Variants in VWCE observed in about 807,000 individuals in gnomAD.
VWCE encodes the protein von Willebrand factor C and EGF domain-containing protein.
In VWCE, 68 loss-of-function variants were observed where a neutral mutation model predicts 102.9. That is an observed-to-expected ratio of 0.66 (90% CI 0.54 to 0.81). The LOEUF is 0.81. Ranked by LOEUF, VWCE falls within the 30% of genes least tolerant of loss-of-function variation. The pLI is 0.00. For missense variants in VWCE, 1,137 were observed against 1,263.6 expected, an observed-to-expected ratio of 0.90 and a Z score of 1.52; for synonymous variants, 497 against 515.4, an observed-to-expected ratio of 0.96 and a Z score of 0.48.
chr11:61,284,006 A>C (rs1402249814), intron 5 of VWCE, among the ~76,000 whole-genome samples: 1 of 152,220 alleles, frequency 6.6e-6, no homozygotes, highest in Non-Finnish European at 1.5e-5. Context: ...CCTGATGTGG[A>C]AACATCTTCA....
intron 19 of VWCE, among the ~76,000 whole-genome samples, chr11:61,264,225 CAAAAAAAAA>C (rs547085588): frequency 5.0e-5 from 1 of 19,988 alleles, no homozygotes; most frequent in Non-Finnish European, 1.5e-4. Context: ...GACTCAGTCT[CAAAAAAAAA>C]AAAAAAAAAA....
At chr11:61,277,017 G>C (rs1422017386) in intron 10 of VWCE, among the ~76,000 whole-genome samples, 1 of 119,902 alleles carries the variant, frequency 8.3e-6, no homozygotes, top group Non-Finnish European at 1.8e-5. Context: ...GAAGGAGGGA[G>C]GGAGGGAAGG....
At chr11:61,266,793 T>C (rs1009782205) in intron 16 of VWCE, among the ~76,000 whole-genome samples, 1 of 152,224 alleles carries the variant, frequency 6.6e-6, no homozygotes, top group African/African-American at 2.4e-5. Context: ...GCTGAGTGCA[T>C]GCCTATGAAG....
intron 5 of VWCE, among the ~76,000 whole-genome samples, chr11:61,285,943 G>A (rs1257206451): frequency 5.9e-5 from 9 of 152,226 alleles, no homozygotes; most frequent in East Asian, 1.9e-4. Context: ...TAGTAGAGAC[G>A]AGGTTTCACC....
At chr11:61,291,393 C>T (rs1466219588) in intron 2 of VWCE, 40 bp from the exon 3 acceptor site, 2 of 1,596,346 alleles carry the variant, frequency 1.3e-6, no homozygotes, top group Non-Finnish European at 1.7e-6. Context: ...GGAACTGGGG[C>T]CTCCCGTCTG....
At chr11:61,261,896 G>A (rs1389032520) in intron 19 of VWCE, among the ~76,000 whole-genome samples, 2 of 152,160 alleles carry the variant, frequency 1.3e-5, no homozygotes, top group African/African-American at 4.8e-5. Context: ...GTTAATAAGA[G>A]GTAGGTGGTA....
At chr11:61,287,141 C>A (rs1855360780) in intron 4 of VWCE, among the ~76,000 whole-genome samples, 1 of 152,108 alleles carries the variant, frequency 6.6e-6, no homozygotes. Flanking sequence ...CCTTGCACGG[C>A]CCTCTCTGAC....
In VWCE at chr11:61,258,798, G is replaced by A. The variant is rs762919731; in HGVS notation, c.2745C>T (p.Leu915=). The change falls in exon 20 of 20, where the codon CTC becomes CTT. Residue 915 remains leucine (L), a synonymous_variant. Transcript: ENST00000335613. ...DPSPSKTPIT[L]LGPRVLSPTT... is the part of the protein sequence containing the mutation. ...TGGGAGAAAGCACGCGAGGCCCGAG[G>A]AGGGTGATGGGGGTCTTCGAGGGGC... The A allele has an allele frequency of 6.7e-7, 1 of 1,500,940 alleles. No homozygotes were observed. Among genetic ancestry groups the A allele is most frequent in the Non-Finnish European group, 8.9e-7 (1 of 1,126,394 alleles). The allele number at this position is 1,500,940 out of a possible 1,614,324, so 93.0% of individuals were successfully genotyped here.
chr11:61,283,049 C>G (rs1346264395), intron 5 of VWCE, 144 bp from the exon 6 acceptor site: 7 of 723,732 alleles, frequency 9.7e-6, no homozygotes, highest in African/African-American at 8.7e-5. Flanking sequence ...CTGCACTGCC[C>G]ACATCCAGTC....
intron 3 of VWCE, 26 bp downstream of exon 3, chr11:61,291,238 A>G (rs778497247): frequency 6.5e-7 from 1 of 1,548,398 alleles, no homozygotes; most frequent in Non-Finnish European, 8.7e-7. Flanking sequence ...ATCTGTTCCC[A>G]TCAGCCCCTT....
chr11:61,280,382 T>C (rs1394899393), intron 9 of VWCE, among the ~76,000 whole-genome samples: 1 of 152,056 alleles, frequency 6.6e-6, no homozygotes, highest in Non-Finnish European at 1.5e-5. Flanking sequence ...GTTCTCAAAG[T>C]ATGGTCCCTA....
In VWCE at chr11:61,295,059, CG is replaced by C; in HGVS notation, c.-23del. 1 of 1,337,500 alleles carries C rather than the reference CG, an allele frequency of 7.5e-7. No individual in the cohort carries two copies. Among genetic ancestry groups the C allele is most frequent in the Non-Finnish European group, 9.6e-7 (1 of 1,040,388 alleles). The allele number at this position is 1,337,500 out of a possible 1,614,324, so 82.9% of individuals were successfully genotyped here. A position where few individuals can be genotyped will look rare whatever the true frequency, so the allele number is the denominator to read the frequency against. The stretch of plus-strand genomic sequence containing the variant: ...ACATGACCGGCGGCGGCGGGTCCCC[CG>C]GGCTGGGCTCGGCTCCTGCGCCGCG... On this transcript the variant is annotated 5_prime_UTR_variant, in exon 1 of 20. Transcript: ENST00000335613. This position sits in a 1 kb window ranked among gnomAD's most constrained non-coding sequence, Gnocchi z 4.6.
In VWCE at chr11:61,276,579, A is replaced by G. The variant is rs1854918387; in HGVS notation, c.1495+14T>C. Reference sequence around the variant, plus strand: ...AAAAAAAAAAAAGCAAAATGCTCCAAGAGTGTCACTTACCTGGAACACAAG... The same window carrying G: ...AAAAAAAAAAAAGCAAAATGCTCCAGGAGTGTCACTTACCTGGAACACAAG... On this transcript the variant is annotated intron_variant, in intron 11 of 19. Coordinates refer to ENST00000335613, the MANE Select transcript of VWCE (RefSeq NM_152718.2). The G allele has an allele frequency of 1.3e-6, 2 of 1,540,896 alleles. No homozygotes were observed.
At position 61,271,425 on chromosome 11, in the gene VWCE, G is replaced by A. The variant is rs555242442; in HGVS notation, c.1785+250C>T. 1,009 of 382,778 alleles carry A rather than the reference G, an allele frequency of 2.6e-3. 22 individuals are homozygous for A. The highest frequency in any genetic ancestry group is 0.022 in the South Asian group (964 of 43,248). 23.7% of individuals were successfully genotyped at this position (382,778 alleles called of 1,614,324 possible). On this transcript the variant is annotated intron_variant, in intron 14 of 19. Coordinates refer to ENST00000335613, the MANE Select transcript of VWCE (RefSeq NM_152718.2). ...CTCCCAAAGTGCTGGGATTACAGGC[G>A]TGAGCCACCGCACCTGGCCAACAAT...
At chr11:61,266,341 A>T (rs1269977575) in intron 16 of VWCE, among the ~76,000 whole-genome samples, 1 of 152,142 alleles carries the variant, frequency 6.6e-6, no homozygotes, top group East Asian at 1.9e-4. Flanking sequence ...GAAGTTCCAT[A>T]CCAGCCTGAG....
At chr11:61,269,967 G>A (rs1194597291) in intron 14 of VWCE, among the ~76,000 whole-genome samples, 1 of 150,092 alleles carries the variant, frequency 6.7e-6, no homozygotes, top group Non-Finnish European at 1.5e-5. Context: ...GCCCAGACTG[G>A]AGTGCAGTGG....
In VWCE at chr11:61,294,267, GC is replaced by G. The variant is rs1181624268; in HGVS notation, c.110+660del. Among the ~76,000 whole-genome samples, 1 of 152,086 alleles carries G rather than the reference GC, an allele frequency of 6.6e-6. No homozygotes were observed. Among genetic ancestry groups the G allele is most frequent in the Non-Finnish European group, 1.5e-5 (1 of 68,004 alleles). On this transcript the variant is annotated intron_variant, in intron 1 of 19. Transcript: ENST00000335613. The surrounding 1 kb of genome is among the most constrained non-coding windows in gnomAD (Gnocchi z 6.3). Reference sequence around the variant, plus strand: ...CCTGGCCGGGCCGCCCCCGCTGCGCGCCCCCCGGAGGACGTGGCCGCGGGCC... The same window carrying G: ...CCTGGCCGGGCCGCCCCCGCTGCGCGCCCCCGGAGGACGTGGCCGCGGGCC...
At chr11:61,287,357 A>G (rs1229904703) in intron 4 of VWCE, among the ~76,000 whole-genome samples, 1 of 152,058 alleles carries the variant, frequency 6.6e-6, no homozygotes, top group African/African-American at 2.4e-5. Context: ...ACGAGAGAAG[A>G]CGGCTGAGAC....
At position 61,258,802 on chromosome 11, in the gene VWCE, G is replaced by A. The variant is rs2134718065; in HGVS notation, c.2741C>T (p.Thr914Ile). 8.6e-6 allele frequency: 13 copies of A among 1,506,580 alleles called. 1 individual carries two copies. The highest frequency in any genetic ancestry group is 5.6e-5 in the South Asian group (4 of 71,690). 93.3% of individuals were successfully genotyped at this position (1,506,580 alleles called of 1,614,324 possible). A position where few individuals can be genotyped will look rare whatever the true frequency, so the allele number is the denominator to read the frequency against. The change falls in exon 20 of 20, where the codon ACC (threonine) becomes ATC (isoleucine). Residue 914 changes from threonine (T) to isoleucine (I), a missense_variant. By Grantham distance (89) the Thr-to-Ile change is moderately conservative (BLOSUM62 -1). Coordinates refer to ENST00000335613, the MANE Select transcript of VWCE (RefSeq NM_152718.2). ...AGAAAGCACGCGAGGCCCGAGGAGG[G>A]TGATGGGGGTCTTCGAGGGGCTGGG... is the stretch of plus-strand genomic sequence containing the variant. Reference protein sequence around the residue: ...MDPSPSKTPITLLGPRVLSPT... With the variant: ...MDPSPSKTPIILLGPRVLSPT...
Sources: gnomAD v4.1 joint callset for allele counts (sites outside exome capture counted in the v4.1 genomes callset) on GRCh38, gnomAD v4.1.1 for gene constraint, Gnocchi (gnomAD v3.1) non-coding constraint, MANE v1.5 for transcripts, NCBI Gene and HGNC (gene_info 2026-07-23, HGNC 2026-07-21) for gene names.